Variants in RGPD8 observed in about 807,000 individuals in gnomAD.
RGPD8 encodes the protein RANBP2-like and GRIP domain-containing protein 8.
A neutral mutation model predicts 89.1 loss-of-function variants in RGPD8; 15 were observed. That is an observed-to-expected ratio of 0.17 (90% CI 0.11 to 0.26). The LOEUF is 0.26. Ranked by LOEUF, RGPD8 falls within the 10% of genes least tolerant of loss-of-function variation. RGPD8 has a pLI of 1.00. For missense variants in RGPD8, 178 were observed against 1,179.6 expected (o/e 0.15, Z 12.44); for synonymous variants, 62 against 420.9 (o/e 0.15, Z 10.44).
At position 112,377,381 on chromosome 2, in the gene RGPD8, C is replaced by T. The variant is rs546998578; in HGVS notation, c.5263+672G>A. 4.2e-3 allele frequency among the ~76,000 whole-genome samples: 457 copies of T among 108,326 alleles called. 87 individuals are homozygous for T. The highest frequency in any genetic ancestry group is 0.013 in the African/African-American group (419 of 33,332). 71.1% of individuals were successfully genotyped at this position (108,326 alleles called of 152,430 possible). A position where few individuals can be genotyped will look rare whatever the true frequency, so the allele number is the denominator to read the frequency against. On this transcript the variant is annotated intron_variant, in intron 22 of 22. Coordinates refer to ENST00000302558, the MANE Select transcript of RGPD8 (RefSeq NM_001164463.1). ...GCAACCTCCGCCTCGTGAGTTCAAG[C>T]GACTCTGCTGCCTCAGCCCCCTGAG...
chr2:112,433,359 C>A, intron 1 of RGPD8, 23 bp downstream of exon 1: 1 of 1,602,816 alleles, frequency 6.2e-7, no homozygotes, highest in South Asian at 1.1e-5. Context: ...TCGAGGCCGC[C>A]GCTCTCTTCC....
At chr2:112,427,722 C>T (rs1679835745) in intron 1 of RGPD8, among the ~76,000 whole-genome samples, 1 of 152,178 alleles carries the variant, frequency 6.6e-6, no homozygotes, top group South Asian at 2.1e-4. Context: ...AATCTCCCTC[C>T]CCCTAAAATC....
intron 8 of RGPD8, among the ~76,000 whole-genome samples, chr2:112,404,867 GAAAA>G (rs1227179322): frequency 1.2e-4 from 9 of 77,760 alleles, no homozygotes; most frequent in African/African-American, 4.3e-4. Flanking sequence ...ACTGTCTCAG[GAAAA>G]AAAAAAAAAA....
At chr2:112,410,296 AT>A (rs1330023801) in intron 7 of RGPD8, among the ~76,000 whole-genome samples, 1 of 146,514 alleles carries the variant, frequency 6.8e-6, no homozygotes, top group African/African-American at 2.7e-5. Flanking sequence ...TCAAAAAAAA[AT>A]AAAATAAATA....
At chr2:112,426,830 T>C (rs1165097593) in intron 1 of RGPD8, among the ~76,000 whole-genome samples, 11 of 139,884 alleles carry the variant, frequency 7.9e-5, no homozygotes, top group African/African-American at 2.9e-4. Context: ...CCCCTTCCTT[T>C]TTTTTTTTTT....
chr2:112,416,144 G>C (rs1435386874), intron 6 of RGPD8, among the ~76,000 whole-genome samples: 9 of 142,146 alleles, frequency 6.3e-5, no homozygotes, highest in African/African-American at 1.6e-4. Context: ...CACATACAAA[G>C]ATCTTTGATG....
At chr2:112,374,856 T>C (rs1678072166) in intron 22 of RGPD8, among the ~76,000 whole-genome samples, 1 of 94,166 alleles carries the variant, frequency 1.1e-5, no homozygotes, top group African/African-American at 4.9e-5. Context: ...GTAGTTTACA[T>C]TCTTTTTTTT....
At chr2:112,426,866 G>A (rs1325508670) in intron 1 of RGPD8, among the ~76,000 whole-genome samples, 20 of 133,632 alleles carry the variant, frequency 1.5e-4, no homozygotes, top group Admixed American at 8.2e-4. Context: ...TTGCTCTGTC[G>A]CCAGGCTGGA....
chr2:112,370,616 T>TC (rs1310632060), intron 22 of RGPD8, among the ~76,000 whole-genome samples: 2 of 137,518 alleles, frequency 1.5e-5, no homozygotes, highest in African/African-American at 5.4e-5. Context: ...CAAGTGATCC[T>TC]CCCACTTCAG....
intron 22 of RGPD8, among the ~76,000 whole-genome samples, chr2:112,373,429 C>G (rs1346955618): frequency 4.0e-4 from 61 of 152,248 alleles, no homozygotes; most frequent in African/African-American, 1.4e-3. Context: ...AGTTGGGTAA[C>G]CTACTTTACC....
intron 21 of RGPD8, among the ~76,000 whole-genome samples, chr2:112,379,525 G>T (rs1474030616): frequency 6.7e-6 from 1 of 149,290 alleles, no homozygotes; most frequent in Non-Finnish European, 1.5e-5. Context: ...AACCTGGGAG[G>T]CGGAGATTGC....
chr2:112,429,210 G>A (rs575013874), intron 1 of RGPD8, among the ~76,000 whole-genome samples: 87 of 151,920 alleles, frequency 5.7e-4, no homozygotes, highest in African/African-American at 2.0e-3. Context: ...CATGAGGTCA[G>A]GAGATTGAGA....
In RGPD8 at chr2:112,433,522, A is replaced by G; in HGVS notation, c.-69T>C. ...AGCCCCGCAGCAGTCGCCACTTCCA[A>G]GAGGAAAGTGCCTGCAAGCCACTGA... On this transcript the variant is annotated 5_prime_UTR_variant, in exon 1 of 23. Coordinates refer to ENST00000302558, the MANE Select transcript of RGPD8 (RefSeq NM_001164463.1). The G allele has an allele frequency of 6.7e-7, 1 of 1,487,038 alleles. No homozygotes were observed. The highest frequency in any genetic ancestry group is 2.4e-5 in the East Asian group (1 of 41,590). 92.1% of individuals were successfully genotyped at this position (1,487,038 alleles called of 1,614,324 possible).
intron 1 of RGPD8, among the ~76,000 whole-genome samples, chr2:112,432,876 T>C (rs371589542): frequency 8.5e-5 from 13 of 152,168 alleles, no homozygotes; most frequent in South Asian, 6.2e-4. Context: ...AGGACTGCGC[T>C]AGCCGGCCTC....
chr2:112,430,029 G>A (rs1339559709), intron 1 of RGPD8, among the ~76,000 whole-genome samples: 7 of 152,238 alleles, frequency 4.6e-5, no homozygotes, highest in South Asian at 4.2e-4. Flanking sequence ...CTGGTCTCTC[G>A]GCCTCCCAAA....
chr2:112,382,256 C>G (rs1678333803), intron 20 of RGPD8, among the ~76,000 whole-genome samples: 1 of 152,182 alleles, frequency 6.6e-6, no homozygotes, highest in East Asian at 1.9e-4. Flanking sequence ...ATCCATCCAT[C>G]CATCCCATCC....
At chr2:112,416,088 C>CAAAAAA (rs1168507298) in intron 6 of RGPD8, among the ~76,000 whole-genome samples, 461 of 88,870 alleles carry the variant, frequency 5.2e-3, no homozygotes, top group Middle Eastern at 0.011. Context: ...GACTCCATCT[C>CAAAAAA]AAAAAAAAAA....
Position 112,390,001 on chromosome 2 carries a change from C to T in RGPD8, c.2944G>A (p.Gly982Arg), listed in dbSNP as rs1450681772. 9.5e-6 allele frequency: 15 copies of T among 1,573,334 alleles called. 1 individual carries two copies. The highest frequency in any genetic ancestry group is 2.3e-5 in the South Asian group (2 of 88,850). ...ADVAKSTSGE[G>R]FQFGKKDLNF... ...AGGTCTTTTTTGCCAAACTGAAATCCTTCTCCTGAAGTTGATTTTGCAACA... is the reference window on the plus strand; with the variant it reads ...AGGTCTTTTTTGCCAAACTGAAATCTTTCTCCTGAAGTTGATTTTGCAACA... Residue 982 changes from glycine to arginine, a missense_variant, in exon 20 of 23, where the codon GGA becomes AGA. Physicochemically the swap from Gly to Arg is moderately radical, Grantham distance 125. Transcript: ENST00000302558.
Position 112,399,786 on chromosome 2 carries a change from G to C in RGPD8, c.1918-17C>G. On this transcript the variant is annotated splice_polypyrimidine_tract_variant and intron_variant, in intron 13 of 22. Coordinates refer to ENST00000302558, the MANE Select transcript of RGPD8 (RefSeq NM_001164463.1). ...TTCTGATGCCTAAACACATAGAATA[G>C]TTTTTAGTCAAATTGTTTATACTCA... 1 of 1,574,866 alleles carries C rather than the reference G, an allele frequency of 6.3e-7. No individual in the cohort carries two copies. The highest frequency in any genetic ancestry group is 8.6e-7 in the Non-Finnish European group (1 of 1,168,850).
Sources: allele counts gnomAD v4.1 joint callset (sites outside exome capture counted in the v4.1 genomes callset), GRCh38; gene constraint gnomAD v4.1.1; transcripts MANE v1.5; gene names NCBI Gene and HGNC (gene_info 2026-07-23, HGNC 2026-07-21).